LIN52: variants seen among roughly 807,000 people sequenced by gnomAD.
LIN52 encodes lin-52 DREAM MuvB core complex component.
In LIN52, 4 loss-of-function variants were observed where a neutral mutation model predicts 18.5. That is an observed-to-expected ratio of 0.22 (90% CI 0.11 to 0.49). LIN52 has a LOEUF of 0.49. Among genes scored for constraint, LIN52 ranks in the 20% least tolerant of loss-of-function variants. The pLI is 0.97. For missense variants in LIN52, 102 were observed against 139.5 expected (o/e 0.73, Z 1.35); for synonymous variants, 34 against 45.5 (o/e 0.75, Z 1.02).
intron 5 of LIN52, among the ~76,000 whole-genome samples, chr14:74,182,871 T>C (rs2061324372): frequency 6.6e-6 from 1 of 152,126 alleles, no homozygotes. Flanking sequence ...AAGTGAAAAT[T>C]GTATTCTTAG....
chr14:74,146,711 C>T (rs570210544), intron 5 of LIN52, among the ~76,000 whole-genome samples: 4 of 152,038 alleles, frequency 2.6e-5, no homozygotes, highest in East Asian at 1.9e-4. Context: ...TGCAAGGGAC[C>T]CAGAATAGCA....
intron 5 of LIN52, among the ~76,000 whole-genome samples, chr14:74,130,289 T>TTTTTTTTTTTTTTTTTTTTTTG (rs1566856595): frequency 9.8e-6 from 1 of 101,838 alleles, no homozygotes; most frequent in African/African-American, 3.4e-5. Flanking sequence ...TTTTTTTTTT[T>TTTTTTTTTTTTTTTTTTTTTTG]TTTTTTTGAG....
At chr14:74,193,481 A>G (rs975880170) in intron 5 of LIN52, among the ~76,000 whole-genome samples, 3 of 152,034 alleles carry the variant, frequency 2.0e-5, no homozygotes, top group Admixed American at 2.0e-4. Context: ...TTCACGTGTC[A>G]TTCTAAAACC....
intron 5 of LIN52, among the ~76,000 whole-genome samples, chr14:74,190,967 C>T (rs2078872060): frequency 6.6e-6 from 1 of 152,224 alleles, no homozygotes; most frequent in Admixed American, 6.5e-5. Flanking sequence ...GTGACTCCAG[C>T]ACCAGCTGCT....
chr14:74,187,488 A>G (rs1595191897), intron 5 of LIN52, among the ~76,000 whole-genome samples: 1 of 152,156 alleles, frequency 6.6e-6, no homozygotes, highest in Admixed American at 6.5e-5. Context: ...TATTTGTTGT[A>G]CAAGAAAATA....
intron 5 of LIN52, among the ~76,000 whole-genome samples, chr14:74,194,286 C>T (rs1008363209): frequency 1.3e-5 from 2 of 152,172 alleles, no homozygotes; most frequent in African/African-American, 4.8e-5. Context: ...AAATTTACTG[C>T]AGAGAAGGCA....
At chr14:74,148,600 C>T (rs2061163389) in intron 5 of LIN52, among the ~76,000 whole-genome samples, 1 of 152,130 alleles carries the variant, frequency 6.6e-6, no homozygotes, top group Non-Finnish European at 1.5e-5. Context: ...TCAACAGTGG[C>T]AAGTTGGTTT....
In LIN52 at chr14:74,089,657, C is replaced by T. The variant is rs1035512758; in HGVS notation, c.20-1575C>T. ...CTGCTGGGATTACAGGCGTGCACCA[C>T]TGCATCTGGCCTTAAGCAGTTTTTT... is the stretch of plus-strand genomic sequence containing the variant. On this transcript the variant is annotated intron_variant, in intron 1 of 5. Transcript: ENST00000555028. Among the ~76,000 whole-genome samples, 14 of 152,282 alleles carry T rather than the reference C, an allele frequency of 9.2e-5. 1 individual carries two copies. The highest frequency in any genetic ancestry group is 2.9e-4 in the African/African-American group (12 of 41,548).
chr14:74,108,723 AATTGT>A (rs1341227302), intron 5 of LIN52, among the ~76,000 whole-genome samples: 1 of 152,004 alleles, frequency 6.6e-6, no homozygotes, highest in Non-Finnish European at 1.5e-5. Context: ...CTTATTTGTA[AATTGT>A]ATTGTTTGTG....
intron 5 of LIN52, among the ~76,000 whole-genome samples, chr14:74,170,932 A>G (rs528484610): frequency 2.0e-5 from 3 of 151,546 alleles, no homozygotes; most frequent in African/African-American, 7.3e-5. Flanking sequence ...CTGTAATCCC[A>G]CACTTAGAGA....
At chr14:74,119,394 G>C (rs1460635869) in intron 5 of LIN52, among the ~76,000 whole-genome samples, 1 of 151,978 alleles carries the variant, frequency 6.6e-6, no homozygotes, top group East Asian at 1.9e-4. Flanking sequence ...TCGATCTCCT[G>C]ACCTCGTGAT....
intron 5 of LIN52, among the ~76,000 whole-genome samples, chr14:74,188,403 G>T (rs1002426546): frequency 1.3e-5 from 2 of 151,898 alleles, no homozygotes; most frequent in African/African-American, 4.8e-5. Flanking sequence ...GGGCCTCAGT[G>T]TTTGTTGGAT....
chr14:74,183,096 TCTCTCTC>T (rs2061325603), intron 5 of LIN52, among the ~76,000 whole-genome samples: 1 of 89,734 alleles, frequency 1.1e-5, no homozygotes, highest in Admixed American at 1.3e-4. Flanking sequence ...TCTCTCTCTC[TCTCTCTC>T]TTTTTTTTTT....
chr14:74,100,773 G>C (rs886407363), intron 4 of LIN52, among the ~76,000 whole-genome samples: 1 of 152,124 alleles, frequency 6.6e-6, no homozygotes, highest in Non-Finnish European at 1.5e-5. Context: ...ACCATGCCTG[G>C]CTGAATTTTT....
chr14:74,104,723 G>A (rs190786696), intron 5 of LIN52, among the ~76,000 whole-genome samples: 2 of 150,870 alleles, frequency 1.3e-5, no homozygotes, highest in East Asian at 2.0e-4. Flanking sequence ...GAAATAAAAA[G>A]GGATAGGTGA....
rs141445114 is a variant in LIN52 at position 74,089,022 on chromosome 14, C to T, written c.20-2210C>T. 1.6e-3 allele frequency among the ~76,000 whole-genome samples: 244 copies of T among 152,064 alleles called. 1 individual carries two copies. The highest frequency in any genetic ancestry group is 5.7e-3 in the African/African-American group (238 of 41,494). On this transcript the variant is annotated intron_variant, in intron 1 of 5. Coordinates refer to ENST00000555028, the MANE Select transcript of LIN52 (RefSeq NM_001024674.3). ...CTGGAGAGAGACACGAACTGATTGA[C>T]GTTTAAAAAAATCAATTCTGGCCTC...
At chr14:74,110,905 G>C (rs954322322) in intron 5 of LIN52, among the ~76,000 whole-genome samples, 3 of 151,268 alleles carry the variant, frequency 2.0e-5, no homozygotes, top group Non-Finnish European at 4.4e-5. Context: ...GGTGGAGCTT[G>C]CAGTGAGCCG....
intron 5 of LIN52, among the ~76,000 whole-genome samples, chr14:74,144,476 T>G (rs1329656767): frequency 6.6e-6 from 1 of 152,142 alleles, no homozygotes; most frequent in Non-Finnish European, 1.5e-5. Context: ...CTAGGAAGAA[T>G]GCAGCAAAAA....
intron 5 of LIN52, among the ~76,000 whole-genome samples, chr14:74,162,581 A>T (rs927147532): frequency 6.6e-6 from 1 of 151,448 alleles, no homozygotes; most frequent in African/African-American, 2.4e-5. Context: ...AATATTAGAG[A>T]TGGGGTATCA....
Sources: allele counts gnomAD v4.1 joint callset (sites outside exome capture counted in the v4.1 genomes callset), GRCh38; gene constraint gnomAD v4.1.1; transcripts MANE v1.5; gene names NCBI Gene and HGNC (gene_info 2026-07-23, HGNC 2026-07-21).